The following KIF26B variants were observed in gnomAD, a reference collection of about 807,000 sequenced individuals.
KIF26B encodes the protein kinesin family member 26B.
In KIF26B, 63 loss-of-function variants were observed where a neutral mutation model predicts 151.2. The observed-to-expected ratio is 0.42, with a 90% CI of 0.34 to 0.51. The LOEUF (loss-of-function observed/expected upper bound fraction) is 0.51, where lower values mean the gene tolerates loss of function less well. KIF26B is among the 20% of genes least tolerant of loss of function. The probability of loss-of-function intolerance (pLI) is 0.07; values close to 1 mark genes in which losing one functional copy is unlikely to be tolerated. For synonymous variants in KIF26B, 1,357 were observed against 1,262.1 expected, an observed-to-expected ratio of 1.08 and a Z score of -1.59; for missense variants, 2,813 against 2,913.6, an observed-to-expected ratio of 0.97 and a Z score of 0.79.
intron 3 of KIF26B, among the ~76,000 whole-genome samples, chr1:245,412,037 A>G (rs568682036): frequency 6.6e-6 from 1 of 152,336 alleles, no homozygotes; most frequent in African/African-American, 2.4e-5. Context: ...TATTTTATAG[A>G]ATACACAGAA....
At chr1:245,640,079 T>C (rs183977154) in intron 9 of KIF26B, among the ~76,000 whole-genome samples, 4 of 146,750 alleles carry the variant, frequency 2.7e-5, no homozygotes, top group Admixed American at 6.9e-5. Context: ...CTTACTGTTA[T>C]TGTATTGTAG....
intron 2 of KIF26B, among the ~76,000 whole-genome samples, chr1:245,263,670 C>T (rs780783067): frequency 1.2e-4 from 19 of 152,286 alleles, no homozygotes; most frequent in South Asian, 8.3e-4. Context: ...TCCTAGACCC[C>T]TTGGGAGACA....
chr1:245,343,342 C>CATTAAAAACTTTTAAAAG (rs1396758997), intron 2 of KIF26B, among the ~76,000 whole-genome samples: 1 of 151,530 alleles, frequency 6.6e-6, no homozygotes, highest in Admixed American at 6.6e-5. Flanking sequence ...CCATTTAAAA[C>CATTAAAAACTTTTAAAAG]ATTAAAAAGT....
At chr1:245,383,154 G>A (rs887946822) in intron 3 of KIF26B, among the ~76,000 whole-genome samples, 40 of 151,882 alleles carry the variant, frequency 2.6e-4, no homozygotes, top group African/African-American at 9.4e-4. Flanking sequence ...ATTGCAGCCC[G>A]AAGGCAACAC....
chr1:245,354,830 A>G (rs1672649467), intron 2 of KIF26B, among the ~76,000 whole-genome samples: 1 of 152,240 alleles, frequency 6.6e-6, no homozygotes, highest in Non-Finnish European at 1.5e-5. Flanking sequence ...CAGTGAGAGC[A>G]GGTGAGAAGG....
At chr1:245,309,445 A>G (rs1671622511) in intron 2 of KIF26B, among the ~76,000 whole-genome samples, 1 of 151,884 alleles carries the variant, frequency 6.6e-6, no homozygotes, top group Admixed American at 6.6e-5. Context: ...TCCAGCTGAA[A>G]CATCAGTTCT....
intron 2 of KIF26B, among the ~76,000 whole-genome samples, chr1:245,232,845 C>T (rs1670026430): frequency 1.3e-5 from 2 of 152,206 alleles, no homozygotes; most frequent in Admixed American, 6.5e-5. Flanking sequence ...CCATCGCACC[C>T]GGCGGTTTCC....
intron 4 of KIF26B, among the ~76,000 whole-genome samples, chr1:245,508,634 C>T (rs1660771686): frequency 1.3e-5 from 2 of 152,004 alleles, no homozygotes; most frequent in Non-Finnish European, 2.9e-5. Context: ...ATTTAGTGAC[C>T]GTTTTCATAC....
At chr1:245,619,685 G>A (rs961128156) in intron 9 of KIF26B, among the ~76,000 whole-genome samples, 4 of 151,582 alleles carry the variant, frequency 2.6e-5, no homozygotes, top group South Asian at 2.1e-4. Flanking sequence ...GGCTGAGGCC[G>A]GAGGATCACT....
chr1:245,602,780 T>C lies in KIF26B; in HGVS notation c.1554T>C (p.Ser518=). The C allele has an allele frequency of 6.2e-7, 1 of 1,613,214 alleles. No individual in the cohort carries two copies. The highest frequency in any genetic ancestry group is 8.5e-7 in the Non-Finnish European group (1 of 1,179,852). ...ATGCAGTTTTTCCACAAGACGCTTC[T>C]CAGGTGGGTATCAGCCCCCTCTCAG... ...AFDAVFPQDA[S]QAEVCAGTVA... Residue 518 remains serine (S), a synonymous_variant, in exon 6 of 15, where the codon TCT becomes TCC. Coordinates refer to ENST00000407071, the MANE Select transcript of KIF26B (RefSeq NM_018012.4). This position sits in a 1 kb window ranked among gnomAD's most constrained non-coding sequence, Gnocchi z 4.5.
chr1:245,276,767 T>C (rs1270250750), intron 2 of KIF26B, among the ~76,000 whole-genome samples: 1 of 152,216 alleles, frequency 6.6e-6, no homozygotes, highest in Admixed American at 6.5e-5. Context: ...CTGGTTTCCG[T>C]ATTTCTCACA....
chr1:245,465,395 G>A (rs1362909554), intron 4 of KIF26B, among the ~76,000 whole-genome samples: 3 of 60,872 alleles, frequency 4.9e-5, no homozygotes, highest in African/African-American at 9.4e-5. Flanking sequence ...ACCTAAGCTC[G>A]TGACCAGGGG....
At chr1:245,659,289 A>C (rs1346537716) in intron 10 of KIF26B, among the ~76,000 whole-genome samples, 1 of 152,118 alleles carries the variant, frequency 6.6e-6, no homozygotes, top group Non-Finnish European at 1.5e-5. Flanking sequence ...ACGATTTTGC[A>C]CTAATCTGAA....
chr1:245,573,051 C>T lies in KIF26B; in HGVS notation c.1351-29526C>T, dbSNP rs529474723. ...CTTTCTTGTCCAACTAAAACACACA[C>T]GGAATAACAAGCAAAAGCAAAAGAG... On this transcript the variant is annotated intron_variant, in intron 5 of 14. Coordinates refer to ENST00000407071, the MANE Select transcript of KIF26B (RefSeq NM_018012.4). Among the ~76,000 whole-genome samples the T allele has an allele frequency of 5.9e-5, 9 of 152,258 alleles. No individual in the cohort carries two copies. The South Asian group carries it at 1.0e-3, about 18-fold the overall frequency.
chr1:245,271,501 T>A (rs886860234), intron 2 of KIF26B, among the ~76,000 whole-genome samples: 1 of 152,116 alleles, frequency 6.6e-6, no homozygotes, highest in African/African-American at 2.4e-5. Flanking sequence ...ATATATGGAC[T>A]TTATTATGTT....
chr1:245,311,358 G>A (rs1434169629), intron 2 of KIF26B, among the ~76,000 whole-genome samples: 14 of 151,438 alleles, frequency 9.2e-5, no homozygotes, highest in Non-Finnish European at 1.9e-4. Flanking sequence ...CAGGCTGGTC[G>A]CTGTCTTGTC....
At chr1:245,287,820 C>T (rs570417501) in intron 2 of KIF26B, among the ~76,000 whole-genome samples, 1 of 152,192 alleles carries the variant, frequency 6.6e-6, no homozygotes, top group South Asian at 2.1e-4. Flanking sequence ...TTTACTGACA[C>T]GTGCCCACAG....
chr1:245,583,840 G>A (rs565955284), intron 5 of KIF26B, among the ~76,000 whole-genome samples: 1 of 152,312 alleles, frequency 6.6e-6, no homozygotes, highest in African/African-American at 2.4e-5. Flanking sequence ...AGGGCTCCCT[G>A]TTTTGAAGGA....
chr1:245,492,435 G>T (rs1660427614), intron 4 of KIF26B, among the ~76,000 whole-genome samples: 1 of 152,176 alleles, frequency 6.6e-6, no homozygotes, highest in South Asian at 2.1e-4. Context: ...CATCTTTAGG[G>T]AGACCCTTCA....
Sources: allele counts gnomAD v4.1 joint callset (sites outside exome capture counted in the v4.1 genomes callset), GRCh38; gene constraint gnomAD v4.1.1; non-coding constraint Gnocchi (gnomAD v3.1); transcripts MANE v1.5; gene names NCBI Gene and HGNC (gene_info 2026-07-23, HGNC 2026-07-21).